The following MYH10 variants were observed in gnomAD, a reference collection of about 807,000 sequenced individuals.
MYH10 encodes the protein myosin-10.
In MYH10, 55 loss-of-function variants were observed where a neutral mutation model predicts 257.8. The ratio of observed to expected loss-of-function variants is 0.21; its 90% CI spans 0.17 to 0.27. The LOEUF (loss-of-function observed/expected upper bound fraction) is 0.27, where lower values mean the gene tolerates loss of function less well. Among genes scored for constraint, MYH10 ranks in the 10% least tolerant of loss-of-function variants. The probability of loss-of-function intolerance (pLI) is 1.00; values close to 1 mark genes in which losing one functional copy is unlikely to be tolerated. For synonymous variants in MYH10, 854 were observed against 921.7 expected, an observed-to-expected ratio of 0.93 and a Z score of 1.33; for missense variants, 1,631 against 2,500.6, an observed-to-expected ratio of 0.65 and a Z score of 7.42.
At chr17:8,557,560 G>C (rs1479961050) in intron 7 of MYH10, among the ~76,000 whole-genome samples, 1 of 152,134 alleles carries the variant, frequency 6.6e-6, no homozygotes, top group Non-Finnish European at 1.5e-5. Context: ...GCACGGCTTT[G>C]CACTAAGAAA....
chr17:8,534,379 C>T (rs1280320479), intron 16 of MYH10, among the ~76,000 whole-genome samples: 1 of 152,194 alleles, frequency 6.6e-6, no homozygotes, highest in African/African-American at 2.4e-5. Flanking sequence ...GTGTTCAGTG[C>T]ATCCCCCCCT....
chr17:8,481,250 G>T (rs1336955762), intron 38 of MYH10, 72 bp downstream of exon 38: 3 of 1,448,056 alleles, frequency 2.1e-6, no homozygotes, highest in Non-Finnish European at 1.9e-6. Flanking sequence ...CAGGTGTGTG[G>T]ACACCTCCAG....
chr17:8,517,140 C>CA (rs1208908644), intron 21 of MYH10, among the ~76,000 whole-genome samples: 1 of 151,388 alleles, frequency 6.6e-6, no homozygotes, highest in Non-Finnish European at 1.5e-5. Flanking sequence ...GACTCTGTCT[C>CA]AAAAAAAATA....
At chr17:8,529,844 C>T (rs764780545) in intron 17 of MYH10, among the ~76,000 whole-genome samples, 16 of 152,094 alleles carry the variant, frequency 1.1e-4, no homozygotes, top group South Asian at 2.1e-4. Flanking sequence ...ACTAAACATT[C>T]GGAAGGCTGG....
intron 3 of MYH10, among the ~76,000 whole-genome samples, chr17:8,591,011 T>G (rs1217602407): frequency 6.6e-6 from 1 of 150,634 alleles, no homozygotes; most frequent in Admixed American, 6.6e-5. Context: ...TAGCTGGGAC[T>G]ACAGGCGCCC....
At position 8,475,907 on chromosome 17, in the gene MYH10, C is replaced by T. The variant is rs747525947; in HGVS notation, c.5921G>A (p.Arg1974Gln). Residue 1974 changes from arginine (R) to glutamine (Q), a missense_variant, in exon 43 of 43, where the codon CGG becomes CAG. Physicochemically the swap from Arg to Gln is conservative, Grantham distance 43. Coordinates refer to ENST00000360416, the MANE Select transcript of MYH10 (RefSeq NM_001256012.3). ...AGCTCCTTCAAGGTGCAGCTGGCGC[C>T]GGCCAGATCGGCTGGAAGAGAAGCT... ...PISFSSSRSG[R>Q]RQLHLEGASL... 17 of 1,614,004 alleles carry T rather than the reference C, an allele frequency of 1.1e-5. 1 individual carries two copies. Among genetic ancestry groups the T allele is most frequent in the South Asian group, 6.6e-5 (6 of 91,090 alleles).
Position 8,531,427 on chromosome 17 carries a change from C to T in MYH10, c.1895-742G>A, listed in dbSNP as rs966890708. Reference sequence around the variant, plus strand: ...CAGCTGGTAAAGAGATCCCAAACAACATCTTTTAGCAAAAAGTAGGGCATT... The same window carrying T: ...CAGCTGGTAAAGAGATCCCAAACAATATCTTTTAGCAAAAAGTAGGGCATT... On this transcript the variant is annotated intron_variant, in intron 16 of 42. Coordinates refer to ENST00000360416, the MANE Select transcript of MYH10 (RefSeq NM_001256012.3). 3.3e-5 allele frequency among the ~76,000 whole-genome samples: 5 copies of T among 151,664 alleles called. No homozygotes were observed. The South Asian group carries it at 6.2e-4, about 19-fold the overall frequency.
At chr17:8,525,321 GCTT>G (rs894546462) in intron 17 of MYH10, among the ~76,000 whole-genome samples, 5 of 152,266 alleles carry the variant, frequency 3.3e-5, no homozygotes, top group African/African-American at 1.2e-4. Flanking sequence ...CTGTTTCTGT[GCTT>G]CTTCTCACTG....
In MYH10 at chr17:8,495,222, G is replaced by A. The variant is rs775866479; in HGVS notation, c.3971C>T (p.Ser1324Phe). 15 of 1,611,276 alleles carry A rather than the reference G, an allele frequency of 9.3e-6. No homozygotes were observed. Among genetic ancestry groups the A allele is most frequent in the Middle Eastern group, 1.7e-4 (1 of 6,056 alleles). The change falls in exon 31 of 43, where the codon TCC becomes TTC. Residue 1324 changes from serine (S) to phenylalanine (F), a missense_variant. Ser to Phe is a radical substitution (Grantham distance 155). This residue lies in a region of MYH10 where 463 missense variants were observed against 621.8 expected (regional missense o/e 0.74). Coordinates refer to ENST00000360416, the MANE Select transcript of MYH10 (RefSeq NM_001256012.3). The part of the protein sequence containing the change: ...SKLQNELDNV[S>F]TLLEEAEKKG... ...CTTCTCTGCTTCTTCCAGAAGGGTG[G>A]AGACATTATCTAGCTCATTCTGTAA... is the stretch of plus-strand genomic sequence containing the variant.
intron 30 of MYH10, among the ~76,000 whole-genome samples, chr17:8,499,035 A>T (rs565255573): frequency 6.6e-6 from 1 of 152,334 alleles, no homozygotes; most frequent in Non-Finnish European, 1.5e-5. Flanking sequence ...AACACAATTC[A>T]GAGTGGAACT....
chr17:8,559,068 A>G (rs868359272), intron 7 of MYH10, among the ~76,000 whole-genome samples: 3 of 152,188 alleles, frequency 2.0e-5, no homozygotes, highest in Non-Finnish European at 4.4e-5. Context: ...CTGGATGCTA[A>G]TGTCATGTTT....
intron 1 of MYH10, among the ~76,000 whole-genome samples, chr17:8,627,371 A>G (rs993983843): frequency 3.9e-5 from 6 of 152,190 alleles, no homozygotes; most frequent in African/African-American, 1.4e-4. Context: ...CAACTTCTCC[A>G]CAACCAAAAA....
intron 21 of MYH10, among the ~76,000 whole-genome samples, chr17:8,516,474 A>G (rs2081472206): frequency 6.6e-6 from 1 of 152,242 alleles, no homozygotes. Context: ...AGGGGCTGCA[A>G]AGGCAAAGGC....
At chr17:8,518,523 TA>T in intron 21 of MYH10, 107 bp downstream of exon 21, 1 of 1,218,326 alleles carries the variant, frequency 8.2e-7, no homozygotes, top group Non-Finnish European at 1.2e-6. Flanking sequence ...GCAACTTCTG[TA>T]AGGACAGACT....
intron 6 of MYH10, among the ~76,000 whole-genome samples, chr17:8,571,200 A>C (rs12943190): frequency 0.52 from 72,114 of 137,612 alleles, 19,616 homozygotes; most frequent in Middle Eastern, 0.64. Flanking sequence ...TTTGAGACGG[A>C]GACTCACTCT....
intron 35 of MYH10, among the ~76,000 whole-genome samples, chr17:8,489,708 A>ACACACACACACACACACACACACACAC (rs1555570829): frequency 0.011 from 991 of 93,038 alleles, 41 homozygotes; most frequent in East Asian, 0.015. Flanking sequence ...CGTCTGAAAA[A>ACACACACACACACACACACACACACAC]ACACACACAC....
intron 24 of MYH10, among the ~76,000 whole-genome samples, chr17:8,510,854 T>C (rs994329697): frequency 6.6e-6 from 1 of 151,930 alleles, no homozygotes; most frequent in Admixed American, 6.6e-5. Context: ...GGCGGGAGCA[T>C]AGAGTTTACA....
At chr17:8,505,544 T>C (rs1408879802) in intron 27 of MYH10, among the ~76,000 whole-genome samples, 3 of 152,250 alleles carry the variant, frequency 2.0e-5, no homozygotes, top group Non-Finnish European at 4.4e-5. Context: ...CAAATAGTTA[T>C]TCTTTATAAA....
At chr17:8,512,756 G>T in intron 23 of MYH10, 99 bp from the exon 24 acceptor site, 1 of 906,106 alleles carries the variant, frequency 1.1e-6, no homozygotes, top group Non-Finnish European at 1.6e-6. Context: ...CAAAGAAACT[G>T]GGAGATAAAA....
Sources: allele counts gnomAD v4.1 joint callset (sites outside exome capture counted in the v4.1 genomes callset), GRCh38; gene constraint gnomAD v4.1.1; regional missense constraint gnomAD v4.1.1; transcripts MANE v1.5; gene names NCBI Gene and HGNC (gene_info 2026-07-23, HGNC 2026-07-21).